GABRA2: variants seen among roughly 807,000 people sequenced by gnomAD.
GABRA2 encodes the protein gamma-aminobutyric acid receptor subunit alpha-2.
Under a neutral mutation model 48.7 loss-of-function variants are expected in GABRA2, and 16 were observed. That is an observed-to-expected ratio of 0.33 (90% CI 0.22 to 0.50). The LOEUF is 0.50. Among genes scored for constraint, GABRA2 ranks in the 20% least tolerant of loss-of-function variants. The pLI is 0.98. For missense variants in GABRA2, 275 were observed against 535.6 expected (o/e 0.51, Z 4.80); for synonymous variants, 185 against 184.5 (o/e 1.00, Z -0.02).
chr4:46,254,764 A>T (rs1715474735), intron 9 of GABRA2, among the ~76,000 whole-genome samples: 1 of 151,478 alleles, frequency 6.6e-6, no homozygotes, highest in African/African-American at 2.4e-5. Flanking sequence ...TAACCACTAA[A>T]TTTCACTAGA....
At chr4:46,296,069 C>T (rs1313122423) in intron 8 of GABRA2, among the ~76,000 whole-genome samples, 1 of 152,150 alleles carries the variant, frequency 6.6e-6, no homozygotes, top group Non-Finnish European at 1.5e-5. Context: ...TTTGAAGTCA[C>T]AATTACAAAG....
In GABRA2 at chr4:46,372,796, CAGA is replaced by C. The variant is rs1448996982; in HGVS notation, c.187+13275_187+13277del. ...TTATTATATCCTTTTCTAATGTCTT[CAGA>C]CAGAAGTATGTAAAGTGTTACACCA... On this transcript the variant is annotated intron_variant, in intron 3 of 9. Transcript: ENST00000381620. Among the ~76,000 whole-genome samples the C allele has an allele frequency of 2.8e-3, 423 of 152,258 alleles. 3 individuals are homozygous for C. The highest frequency in any genetic ancestry group is 9.7e-3 in the African/African-American group (405 of 41,548).
chr4:46,283,845 C>T (rs919448339), intron 8 of GABRA2, among the ~76,000 whole-genome samples: 2 of 152,098 alleles, frequency 1.3e-5, no homozygotes, highest in South Asian at 2.1e-4. Flanking sequence ...CTGCCAGCTC[C>T]GCCTCCTGGG....
At position 46,361,896 on chromosome 4, in the gene GABRA2, G is replaced by A. The variant is rs962811967; in HGVS notation, c.187+24178C>T. On this transcript the variant is annotated intron_variant, in intron 3 of 9. Coordinates refer to ENST00000381620, the MANE Select transcript of GABRA2 (RefSeq NM_000807.4). ...GCCCCACTAGATTTTGGACTTGCATGAGGCCTGTAGGCCCTTTGTTTTGGC... is the reference window on the plus strand; with the variant it reads ...GCCCCACTAGATTTTGGACTTGCATAAGGCCTGTAGGCCCTTTGTTTTGGC... Among the ~76,000 whole-genome samples, 33 of 152,352 alleles carry A rather than the reference G, an allele frequency of 2.2e-4. No homozygotes were observed. The Middle Eastern group carries it at 0.014, about 63-fold the overall frequency.
chr4:46,293,797 A>G, intron 8 of GABRA2, among the ~76,000 whole-genome samples: 1 of 152,124 alleles, frequency 6.6e-6, no homozygotes, highest in East Asian at 1.9e-4. Context: ...TGCCACCATC[A>G]AGGACTTGAA....
chr4:46,255,157 T>G (rs1302268972), intron 9 of GABRA2, among the ~76,000 whole-genome samples: 1 of 151,634 alleles, frequency 6.6e-6, no homozygotes, highest in Non-Finnish European at 1.5e-5. Context: ...ACAGACTGTG[T>G]ATTGCAGAGT....
intron 4 of GABRA2, among the ~76,000 whole-genome samples, chr4:46,319,466 T>A (rs1010458372): frequency 5.3e-5 from 8 of 151,762 alleles, no homozygotes; most frequent in Non-Finnish European, 8.8e-5. Context: ...GTAAAAAATA[T>A]CACTCTTGGA....
chr4:46,360,699 A>G (rs1203727384), intron 3 of GABRA2, among the ~76,000 whole-genome samples: 1 of 152,212 alleles, frequency 6.6e-6, no homozygotes, highest in Non-Finnish European at 1.5e-5. Flanking sequence ...AGGCTGGAAG[A>G]GTTTGAAGGG....
At chr4:46,389,291 T>A (rs1476976855) in intron 1 of GABRA2, 1 of 985,260 alleles carries the variant, frequency 1.0e-6, no homozygotes, top group African/African-American at 1.7e-5. Context: ...ATAAAATAAA[T>A]AATTTCCCTT....
chr4:46,389,291 T>C (rs1476976855), intron 1 of GABRA2: 1 of 985,260 alleles, frequency 1.0e-6, no homozygotes, highest in African/African-American at 1.7e-5. Flanking sequence ...ATAAAATAAA[T>C]AATTTCCCTT....
chr4:46,275,349 A>C (rs192382259), intron 8 of GABRA2, among the ~76,000 whole-genome samples: 139 of 152,280 alleles, frequency 9.1e-4, no homozygotes, highest in African/African-American at 3.2e-3. Context: ...ATCATAATCT[A>C]CAACATTTGA....
Position 46,265,501 on chromosome 4 carries a change from T to C in GABRA2, c.857-3373A>G, listed in dbSNP as rs960209974. On this transcript the variant is annotated intron_variant, in intron 8 of 9. Transcript: ENST00000381620. Reference sequence around the variant, plus strand: ...TGTGTATATATTATATATATATATATATGTTTTCTCTATGGTCAGAAGTGA... The same window carrying C: ...TGTGTATATATTATATATATATATACATGTTTTCTCTATGGTCAGAAGTGA... 3.8e-3 allele frequency among the ~76,000 whole-genome samples: 474 copies of C among 124,694 alleles called. 17 individuals carry two copies. The highest frequency in any genetic ancestry group is 0.021 in the African/African-American group (428 of 20,800). The allele number at this position is 124,694 out of a possible 152,430, so 81.8% of individuals were successfully genotyped here.
chr4:46,274,986 G>T (rs958300149), intron 8 of GABRA2, among the ~76,000 whole-genome samples: 3 of 152,058 alleles, frequency 2.0e-5, no homozygotes, highest in African/African-American at 7.2e-5. Context: ...TGCTTAAATG[G>T]ATGCCTAGGA....
At chr4:46,269,075 G>A (rs2109390967) in intron 8 of GABRA2, among the ~76,000 whole-genome samples, 1 of 151,952 alleles carries the variant, frequency 6.6e-6, no homozygotes, top group African/African-American at 2.4e-5. Flanking sequence ...TAACCAAAGG[G>A]TACCAAGCCT....
intron 3 of GABRA2, among the ~76,000 whole-genome samples, chr4:46,380,798 G>A (rs1337498049): frequency 6.6e-6 from 1 of 152,014 alleles, no homozygotes; most frequent in African/African-American, 2.4e-5. Context: ...ATTAATTTTT[G>A]CCCACTCAGT....
chr4:46,256,441 C>G, intron 9 of GABRA2: 1 of 428,788 alleles, frequency 2.3e-6, no homozygotes, highest in Non-Finnish European at 4.1e-6. Flanking sequence ...TCACTTTCTA[C>G]AGTACCCAGC....
chr4:46,291,809 G>A (rs1012247338), intron 8 of GABRA2, among the ~76,000 whole-genome samples: 63 of 137,162 alleles, frequency 4.6e-4, no homozygotes, highest in African/African-American at 1.6e-3. Context: ...ATATATATGT[G>A]TATATATATA....
rs777176490 is a variant in GABRA2, at chr4:46,324,932, T to C, written c.255+7683A>G. Among the ~76,000 whole-genome samples, 4 of 151,968 alleles carry C rather than the reference T, an allele frequency of 2.6e-5. No individual in the cohort carries two copies. In the East Asian group the frequency reaches 7.8e-4, roughly 29 times the overall value. On this transcript the variant is annotated intron_variant, in intron 4 of 9. Transcript: ENST00000381620. ...TTTATGGCTGCATAGTTTTCCAAGGTGTACACAGACCGCATTTTCTTTATG... is the reference window on the plus strand; with the variant it reads ...TTTATGGCTGCATAGTTTTCCAAGGCGTACACAGACCGCATTTTCTTTATG...
At chr4:46,382,174 AC>A (rs2109358714) in intron 3 of GABRA2, among the ~76,000 whole-genome samples, 1 of 144,234 alleles carries the variant, frequency 6.9e-6, no homozygotes, top group South Asian at 2.1e-4. Flanking sequence ...ATATACACAA[AC>A]ATACACACAC....
Sources: allele counts gnomAD v4.1 joint callset (sites outside exome capture counted in the v4.1 genomes callset), GRCh38; gene constraint gnomAD v4.1.1; transcripts MANE v1.5; gene names NCBI Gene and HGNC (gene_info 2026-07-23, HGNC 2026-07-21).